GALNT13: variants seen among roughly 807,000 people sequenced by gnomAD.
The protein encoded by GALNT13 is polypeptide N-acetylgalactosaminyltransferase 13.
In GALNT13, 28 loss-of-function variants were observed where a neutral mutation model predicts 64.2. That is an observed-to-expected ratio of 0.44 (90% CI 0.32 to 0.60). The LOEUF is 0.60. GALNT13 is among the 20% of genes least tolerant of loss of function. The probability of loss-of-function intolerance (pLI) is 0.05; values close to 1 mark genes in which losing one functional copy is unlikely to be tolerated. For missense variants in GALNT13, 577 were observed against 669.8 expected, an observed-to-expected ratio of 0.86 and a Z score of 1.53; for synonymous variants, 214 against 224.6, an observed-to-expected ratio of 0.95 and a Z score of 0.42.
At chr2:153,449,425 T>G in the GALNT13 span, among the ~76,000 whole-genome samples, 1 of 152,072 alleles carries the variant, frequency 6.6e-6, no homozygotes, top group South Asian at 2.1e-4. Flanking sequence ...GAGATCCCAC[T>G]TCTGACCAAG....
chr2:153,462,880 C>T, the GALNT13 span, among the ~76,000 whole-genome samples: 28 of 152,202 alleles, frequency 1.8e-4, no homozygotes, highest in African/African-American at 6.0e-4. Context: ...AACTTCTAAT[C>T]ACTGGCATAT....
At chr2:153,645,303 A>T in the GALNT13 span, among the ~76,000 whole-genome samples, 1 of 152,170 alleles carries the variant, frequency 6.6e-6, no homozygotes, top group Non-Finnish European at 1.5e-5. Context: ...GCCTTTAACA[A>T]ACAGCATTTT....
chr2:153,178,732 C>CTTTTTTTTT, the GALNT13 span, among the ~76,000 whole-genome samples: 24 of 98,388 alleles, frequency 2.4e-4, no homozygotes, highest in East Asian at 1.0e-3. Flanking sequence ...TTCTCTTCTT[C>CTTTTTTTTT]TTTTTTTTTT....
At chr2:153,207,221 G>A in the GALNT13 span, among the ~76,000 whole-genome samples, 3 of 152,012 alleles carry the variant, frequency 2.0e-5, no homozygotes, top group Admixed American at 6.5e-5. Flanking sequence ...TTTCTCTAGA[G>A]CTTTCTGCAA....
At chr2:153,621,372 C>T in the GALNT13 span, among the ~76,000 whole-genome samples, 1 of 152,126 alleles carries the variant, frequency 6.6e-6, no homozygotes, top group African/African-American at 2.4e-5. Flanking sequence ...CAAGCACCAT[C>T]CCAATGACTG....
the GALNT13 span, among the ~76,000 whole-genome samples, chr2:153,133,242 C>T: frequency 4.1e-3 from 628 of 152,082 alleles, 1 homozygote; most frequent in Admixed American, 0.01. Flanking sequence ...TGTAAAGGGA[C>T]TAACGAGCTG....
chr2:154,292,607 G>A (rs1030111649), intron 8 of GALNT13, among the ~76,000 whole-genome samples: 12 of 152,196 alleles, frequency 7.9e-5, no homozygotes, highest in Non-Finnish European at 1.8e-4. Flanking sequence ...CAGCTAGTAA[G>A]TTGCAGAGCT....
the GALNT13 span, among the ~76,000 whole-genome samples, chr2:153,735,651 A>T: frequency 1.3e-5 from 2 of 151,938 alleles, no homozygotes; most frequent in Non-Finnish European, 2.9e-5. Flanking sequence ...TTCCGTTGTC[A>T]TATTTGTTGA....
the GALNT13 span, among the ~76,000 whole-genome samples, chr2:153,115,751 A>G: frequency 1.3e-5 from 2 of 152,192 alleles, no homozygotes; most frequent in Non-Finnish European, 2.9e-5. Flanking sequence ...TTATTAATAT[A>G]ATTGAACATT....
chr2:153,867,259 G>C (rs988006289), upstream of GALNT13, among the ~76,000 whole-genome samples: 127 of 152,256 alleles, frequency 8.3e-4, no homozygotes, highest in Middle Eastern at 3.4e-3. Flanking sequence ...TCTCCAAGAA[G>C]CTCTTATCAA....
At chr2:154,218,654 C>T (rs1323419399) in intron 4 of GALNT13, among the ~76,000 whole-genome samples, 2 of 152,118 alleles carry the variant, frequency 1.3e-5, no homozygotes, top group Non-Finnish European at 2.9e-5. Context: ...TTACTGTGTA[C>T]TTCTGACTAA....
intron 9 of GALNT13, among the ~76,000 whole-genome samples, chr2:154,338,106 T>C (rs1427691829): frequency 6.6e-6 from 1 of 152,090 alleles, no homozygotes; most frequent in Non-Finnish European, 1.5e-5. Flanking sequence ...GACTCTGATT[T>C]AGTTGAGTAT....
At chr2:153,511,704 T>G in the GALNT13 span, among the ~76,000 whole-genome samples, 1 of 152,174 alleles carries the variant, frequency 6.6e-6, no homozygotes, top group African/African-American at 2.4e-5. Context: ...ATGACTGATT[T>G]TGCCAGGGTT....
the GALNT13 span, among the ~76,000 whole-genome samples, chr2:153,377,912 A>C: frequency 1.3e-5 from 2 of 152,188 alleles, no homozygotes; most frequent in African/African-American, 2.4e-5. Context: ...TTTTTCAGAA[A>C]GTAATTAAAT....
At chr2:153,983,648 A>G (rs1030820528) in intron 3 of GALNT13, among the ~76,000 whole-genome samples, 7 of 151,964 alleles carry the variant, frequency 4.6e-5, no homozygotes, top group African/African-American at 9.7e-5. Context: ...AATTAAAATG[A>G]GATTCCATTT....
intron 4 of GALNT13, among the ~76,000 whole-genome samples, chr2:154,197,173 G>A (rs12474488): frequency 0.33 from 49,518 of 151,810 alleles, 8,401 homozygotes; most frequent in Admixed American, 0.39. Flanking sequence ...CCGAGATCAC[G>A]TCATTGCACT....
At chr2:154,148,586 T>C (rs7574521) in intron 4 of GALNT13, among the ~76,000 whole-genome samples, 27,699 of 151,628 alleles carry the variant, frequency 0.18, 3,006 homozygotes, top group African/African-American at 0.29. Flanking sequence ...CTCCAGCACC[T>C]GTTGTTTCCT....
intron 1 of GALNT13, among the ~76,000 whole-genome samples, chr2:153,900,388 G>A (rs917916481): frequency 3.3e-5 from 5 of 152,132 alleles, no homozygotes; most frequent in African/African-American, 4.8e-5. Flanking sequence ...GTGTATTTTT[G>A]TGGGGTATGC....
intron 9 of GALNT13, among the ~76,000 whole-genome samples, chr2:154,360,071 T>G (rs1696977318): frequency 6.6e-6 from 1 of 152,108 alleles, no homozygotes; most frequent in Non-Finnish European, 1.5e-5. Flanking sequence ...TGTTTGACAA[T>G]AAACTTGTTT....
Sources: allele counts gnomAD v4.1 joint callset (sites outside exome capture counted in the v4.1 genomes callset), GRCh38; gene constraint gnomAD v4.1.1; transcripts MANE v1.5; gene names NCBI Gene and HGNC (gene_info 2026-07-23, HGNC 2026-07-21).